ZCCHC17: variants seen among roughly 807,000 people sequenced by gnomAD.
The protein encoded by ZCCHC17 is zinc finger CCHC domain-containing protein 17.
In ZCCHC17, 18 loss-of-function variants were observed where a neutral mutation model predicts 30.6. That is an observed-to-expected ratio of 0.59 (90% CI 0.41 to 0.87). The LOEUF (loss-of-function observed/expected upper bound fraction) is 0.87. Among genes scored for constraint, ZCCHC17 ranks in the 40% least tolerant of loss-of-function variants. The pLI is 0.00. For missense variants in ZCCHC17, 263 were observed against 284.2 expected, an observed-to-expected ratio of 0.93 and a Z score of 0.54; for synonymous variants, 88 against 92.4, an observed-to-expected ratio of 0.95 and a Z score of 0.27.
At chr1:31,335,995 T>C (rs1164904618) in intron 3 of ZCCHC17, among the ~76,000 whole-genome samples, 1 of 152,204 alleles carries the variant, frequency 6.6e-6, no homozygotes, top group Non-Finnish European at 1.5e-5. Context: ...ATTAGGGTTG[T>C]TTTATGGTTC....
intron 1 of ZCCHC17, among the ~76,000 whole-genome samples, chr1:31,304,599 CTT>C (rs1430430776): frequency 6.7e-6 from 1 of 149,244 alleles, no homozygotes; most frequent in Non-Finnish European, 1.5e-5. Flanking sequence ...GTTATATACT[CTT>C]ATTTTTTTTT....
chr1:31,298,218 G>A (rs1473977043), intron 1 of ZCCHC17, among the ~76,000 whole-genome samples: 5 of 152,098 alleles, frequency 3.3e-5, no homozygotes, highest in African/African-American at 1.2e-4. Context: ...TAAAATGGGT[G>A]GGACTTGGTG....
chr1:31,316,830 C>T lies in ZCCHC17; in HGVS notation c.67-2279C>T, dbSNP rs143108589. ...AAACATGAGTTTAGAACTTTTGGTT[C>T]GTAACCCATTCTTCATGTTTTGTCT... On this transcript the variant is annotated intron_variant, in intron 2 of 7. Coordinates refer to ENST00000344147, the MANE Select transcript of ZCCHC17 (RefSeq NM_016505.4). 3.3e-5 allele frequency among the ~76,000 whole-genome samples: 5 copies of T among 152,214 alleles called. No individual in the cohort carries two copies. In the East Asian group the frequency reaches 9.7e-4, roughly 29 times the overall value.
At chr1:31,356,545 G>T (rs1639650463) in intron 7 of ZCCHC17, among the ~76,000 whole-genome samples, 2 of 152,204 alleles carry the variant, frequency 1.3e-5, no homozygotes, top group Non-Finnish European at 2.9e-5. Context: ...TGAATAGATA[G>T]ACTTCATAAT....
In ZCCHC17 at chr1:31,355,178, TAAAAAAA is replaced by T. The variant is rs59792081; in HGVS notation, c.564+6219_564+6225del. ...CGACAGAGTGAGACTCCATCTCAAT[TAAAAAAA>T]AAAAAAAAAAAAAAGTATCTTTGTG... is the stretch of plus-strand genomic sequence containing the variant. On this transcript the variant is annotated intron_variant, in intron 7 of 7. Coordinates refer to ENST00000344147, the MANE Select transcript of ZCCHC17 (RefSeq NM_016505.4). Among the ~76,000 whole-genome samples, 476 of 137,724 alleles carry T rather than the reference TAAAAAAA, an allele frequency of 3.5e-3. 5 individuals are homozygous for T. Among genetic ancestry groups the T allele is most frequent in the Non-Finnish European group, 5.1e-3 (333 of 65,880 alleles). 90.4% of individuals were successfully genotyped at this position (137,724 alleles called of 152,430 possible).
At chr1:31,313,078 TTTTTTTTTTTC>T in intron 2 of ZCCHC17, among the ~76,000 whole-genome samples, 1 of 149,464 alleles carries the variant, frequency 6.7e-6, no homozygotes, top group Non-Finnish European at 1.5e-5. Flanking sequence ...CTTTTTTTTT[TTTTTTTTTTTC>T]TTTTTTTTGA....
rs560364773 is a variant in ZCCHC17, at chr1:31,346,896, T to C, written c.418+156T>C. 9 of 1,456,924 alleles carry C rather than the reference T, an allele frequency of 6.2e-6. No homozygotes were observed. The East Asian group carries it at 1.2e-4, about 20-fold the overall frequency. 90.2% of individuals were successfully genotyped at this position (1,456,924 alleles called of 1,614,324 possible). A position where few individuals can be genotyped will look rare whatever the true frequency, so the allele number is the denominator to read the frequency against. ...TCCACCAGACTCACATCAGAGTTCATGGGGTGATACATTTTCTGTTTTCTT... is the reference window on the plus strand; with the variant it reads ...TCCACCAGACTCACATCAGAGTTCACGGGGTGATACATTTTCTGTTTTCTT... On this transcript the variant is annotated intron_variant, in intron 6 of 7. Coordinates refer to ENST00000344147, the MANE Select transcript of ZCCHC17 (RefSeq NM_016505.4).
rs775427404 is a variant in ZCCHC17 at position 31,364,207 on chromosome 1, G to A, written c.*14G>A. The A allele has an allele frequency of 5.6e-6, 9 of 1,606,206 alleles. No homozygotes were observed. In the East Asian group the frequency reaches 8.9e-5, roughly 16 times the overall value. ...CACAAGGAGTGAGAGTATAAAGAGTGTAGGGGGTGGTTGAGAGTAAGAAAC... is the reference window on the plus strand; with the variant it reads ...CACAAGGAGTGAGAGTATAAAGAGTATAGGGGGTGGTTGAGAGTAAGAAAC... On this transcript the variant is annotated 3_prime_UTR_variant, in exon 8 of 8. Coordinates refer to ENST00000344147, the MANE Select transcript of ZCCHC17 (RefSeq NM_016505.4).
At chr1:31,336,493 T>A (rs913080880) in intron 3 of ZCCHC17, among the ~76,000 whole-genome samples, 1 of 152,246 alleles carries the variant, frequency 6.6e-6, no homozygotes, top group Admixed American at 6.5e-5. Context: ...TTACATTTTT[T>A]AAATTTTTTG....
chr1:31,364,380 G>A lies in ZCCHC17; in HGVS notation c.*187G>A, dbSNP rs1640052847. 5 of 1,055,650 alleles carry A rather than the reference G, an allele frequency of 4.7e-6. No individual in the cohort carries two copies. The East Asian group carries it at 1.3e-4, about 28-fold the overall frequency. The allele number at this position is 1,055,650 out of a possible 1,614,324, so 65.4% of individuals were successfully genotyped here. On this transcript the variant is annotated 3_prime_UTR_variant, in exon 8 of 8. Coordinates refer to ENST00000344147, the MANE Select transcript of ZCCHC17 (RefSeq NM_016505.4). ...AGAGGTCAAAAGCAGCTGCCTGAAT[G>A]AGTTGTTGTTTCCTTATCACTCCTG...
At chr1:31,319,086 AT>A (rs768802003) in intron 2 of ZCCHC17, 22 bp from the exon 3 acceptor site, 154 of 1,598,936 alleles carry the variant, frequency 9.6e-5, no homozygotes, top group Middle Eastern at 3.3e-4. Context: ...TGTGACATTG[AT>A]TTTTTTCCCC....
At chr1:31,348,807 C>T (rs1038432344) in intron 6 of ZCCHC17, 22 bp from the exon 7 acceptor site, 3 of 1,611,816 alleles carry the variant, frequency 1.9e-6, no homozygotes, top group Non-Finnish European at 2.5e-6. Context: ...TTTTCTATAC[C>T]TTTTCTACTT....
intron 7 of ZCCHC17, among the ~76,000 whole-genome samples, chr1:31,363,024 TTATATCATGTGCATA>T (rs1184032461): frequency 1.3e-5 from 2 of 152,192 alleles, no homozygotes; most frequent in African/African-American, 4.8e-5. Flanking sequence ...CATACACAGT[TTATATCATGTGCATA>T]TATATATAAA....
intron 6 of ZCCHC17, among the ~76,000 whole-genome samples, chr1:31,348,577 C>G (rs12410821): frequency 6.6e-6 from 1 of 152,190 alleles, no homozygotes; most frequent in Admixed American, 6.5e-5. Context: ...ATCCTCATAT[C>G]CTTTGCCATT....
intron 1 of ZCCHC17, among the ~76,000 whole-genome samples, chr1:31,308,755 G>A (rs562510709): frequency 2.0e-5 from 3 of 152,342 alleles, no homozygotes; most frequent in African/African-American, 2.4e-5. Context: ...TACTTAGGCA[G>A]TATCAGTGTC....
chr1:31,315,480 C>T (rs1646711453), intron 2 of ZCCHC17, among the ~76,000 whole-genome samples: 2 of 152,170 alleles, frequency 1.3e-5, no homozygotes, highest in African/African-American at 4.8e-5. Flanking sequence ...ACGAGCATAG[C>T]AATGAGACTT....
Position 31,338,946 on chromosome 1 carries a change from G to A in ZCCHC17, c.226-11G>A. 5 of 1,586,504 alleles carry A rather than the reference G, an allele frequency of 3.2e-6. No homozygotes were observed. Among genetic ancestry groups the A allele is most frequent in the Non-Finnish European group, 4.3e-6 (5 of 1,171,470 alleles). On this transcript the variant is annotated splice_polypyrimidine_tract_variant and intron_variant, in intron 4 of 7. Transcript: ENST00000344147. ...TTAAAGTTTTTGGTGACTTTTTTTGGTCTCTTTCAGATGAAAAATGATAGA... is the reference window on the plus strand; with the variant it reads ...TTAAAGTTTTTGGTGACTTTTTTTGATCTCTTTCAGATGAAAAATGATAGA...
At chr1:31,340,974 A>G (rs1170870886) in intron 5 of ZCCHC17, among the ~76,000 whole-genome samples, 1 of 152,212 alleles carries the variant, frequency 6.6e-6, no homozygotes, top group Non-Finnish European at 1.5e-5. Context: ...TTGGGTACAT[A>G]ACAACCTGCA....
intron 3 of ZCCHC17, among the ~76,000 whole-genome samples, chr1:31,320,070 G>A (rs1216116240): frequency 6.6e-6 from 1 of 151,890 alleles, no homozygotes; most frequent in African/African-American, 2.4e-5. Context: ...CAACTCACAG[G>A]ATAAAAAAAT....
Sources: allele counts gnomAD v4.1 joint callset (sites outside exome capture counted in the v4.1 genomes callset), GRCh38; gene constraint gnomAD v4.1.1; transcripts MANE v1.5; gene names NCBI Gene and HGNC (gene_info 2026-07-23, HGNC 2026-07-21).